APPL2: variants seen among roughly 807,000 people sequenced by gnomAD.
The protein encoded by APPL2 is adaptor protein, phosphotyrosine interacting with PH domain and leucine zipper 2.
In APPL2, 84 loss-of-function variants were observed where a neutral mutation model predicts 92.7. The observed-to-expected ratio is 0.91, with a 90% CI of 0.76 to 1.09. The LOEUF is 1.09. Ranked by LOEUF, APPL2 falls within the 50% of genes least tolerant of loss-of-function variation. APPL2 has a pLI of 0.00. For synonymous variants in APPL2, 291 were observed against 291.0 expected (o/e 1.00, Z 0.00); for missense variants, 736 against 824.5 (o/e 0.89, Z 1.31).
intron 3 of APPL2, among the ~76,000 whole-genome samples, chr12:105,217,343 C>A (rs1238244031): frequency 2.0e-5 from 3 of 152,186 alleles, no homozygotes; most frequent in Non-Finnish European, 1.5e-5. Flanking sequence ...CCCTCCCTGG[C>A]CATTCCTTTC....
chr12:105,186,638 T>TATATATG (rs1886667739), intron 17 of APPL2, among the ~76,000 whole-genome samples: 4 of 128,926 alleles, frequency 3.1e-5, no homozygotes, highest in African/African-American at 1.1e-4. Context: ...ATATATATCA[T>TATATATG]ATATATGATA....
chr12:105,218,589 A>G (rs903666562), intron 2 of APPL2, among the ~76,000 whole-genome samples: 1 of 152,244 alleles, frequency 6.6e-6, no homozygotes, highest in Non-Finnish European at 1.5e-5. Flanking sequence ...CTGTCTGAAC[A>G]GCTCTGAAGT....
intron 14 of APPL2, among the ~76,000 whole-genome samples, chr12:105,194,715 A>T (rs1289420701): frequency 6.6e-6 from 1 of 151,410 alleles, no homozygotes. Flanking sequence ...ATAAGTAAGT[A>T]AAAAAATAAA....
chr12:105,220,562 T>C (rs1376485779), intron 2 of APPL2, among the ~76,000 whole-genome samples: 2 of 152,174 alleles, frequency 1.3e-5, no homozygotes, highest in African/African-American at 4.8e-5. Flanking sequence ...TTCTTTTCTT[T>C]ATTTTAGTCA....
intron 11 of APPL2, 70 bp from the exon 12 acceptor site, chr12:105,195,697 C>T: frequency 6.5e-7 from 1 of 1,548,158 alleles, no homozygotes; most frequent in Non-Finnish European, 8.9e-7. Context: ...TCTACATAAA[C>T]TGAACTTAGC....
intron 1 of APPL2, 119 bp from the exon 2 acceptor site, chr12:105,229,342 G>C: frequency 1.0e-6 from 1 of 986,846 alleles, no homozygotes; most frequent in Non-Finnish European, 1.5e-6. Context: ...AAAGGTACCT[G>C]TTGGTTCCCT....
intron 16 of APPL2, among the ~76,000 whole-genome samples, chr12:105,189,189 T>C (rs1404595491): frequency 6.9e-6 from 1 of 144,938 alleles, no homozygotes; most frequent in Non-Finnish European, 1.5e-5. Context: ...TGGCTAATTT[T>C]TGTATATATA....
intron 5 of APPL2, among the ~76,000 whole-genome samples, chr12:105,208,713 C>T (rs1023060194): frequency 5.9e-5 from 9 of 152,216 alleles, no homozygotes; most frequent in African/African-American, 1.2e-4. Context: ...ACTGTAGTTG[C>T]GACAAGCCAA....
intron 1 of APPL2, among the ~76,000 whole-genome samples, chr12:105,234,049 T>G (rs1341179403): frequency 6.6e-6 from 1 of 152,206 alleles, no homozygotes; most frequent in African/African-American, 2.4e-5. Flanking sequence ...CTGATGATCA[T>G]TAAAGACCTT....
At chr12:105,181,034 T>C (rs1351953143) in intron 17 of APPL2, among the ~76,000 whole-genome samples, 1 of 152,228 alleles carries the variant, frequency 6.6e-6, no homozygotes. Context: ...ATCCTTGTCT[T>C]GTGCTAATTT....
rs755287404 is a variant in APPL2 at position 105,203,785 on chromosome 12, T to G, written c.622A>C (p.Ile208Leu). The change falls in exon 9 of 21, where the codon ATT becomes CTT. Residue 208 changes from isoleucine to leucine, a missense_variant and splice_region_variant. Physicochemically the swap from Ile to Leu is conservative, Grantham distance 5 (BLOSUM62 2). Transcript: ENST00000258530. ...TCTGCTCCCTTCTTAAAAAAGTTAA[T>G]CTGAAAGATATAATTATAATATTCT... Reference protein sequence around the residue: ...EPMIGFAHGQINFFKKGAEMF... With the variant: ...EPMIGFAHGQLNFFKKGAEMF... The G allele has an allele frequency of 2.5e-6, 4 of 1,609,164 alleles. No individual in the cohort carries two copies. The African/African-American group carries it at 5.3e-5, about 22-fold the overall frequency.
intron 11 of APPL2, among the ~76,000 whole-genome samples, chr12:105,197,488 G>A (rs1468574797): frequency 6.6e-6 from 1 of 152,194 alleles, no homozygotes; most frequent in Non-Finnish European, 1.5e-5. Flanking sequence ...TAACAAGCAC[G>A]ACTTCTGTTG....
intron 1 of APPL2, among the ~76,000 whole-genome samples, chr12:105,230,127 CAAG>C (rs1475070461): frequency 6.6e-5 from 10 of 152,144 alleles, no homozygotes; most frequent in African/African-American, 2.4e-4. Context: ...AACTCACGGC[CAAG>C]AAATTTCACA....
At chr12:105,189,967 G>A in intron 15 of APPL2, 24 bp downstream of exon 15, 2 of 1,612,730 alleles carry the variant, frequency 1.2e-6, no homozygotes, top group Non-Finnish European at 1.7e-6. Context: ...AGTTCTCCCA[G>A]AGATAACCTC....
At position 105,197,803 on chromosome 12, in the gene APPL2, C is replaced by A; in HGVS notation, c.1014G>T (p.Arg338=). Residue 338 remains arginine, a synonymous_variant, in exon 11 of 21, where the codon CGG becomes CGT. Transcript: ENST00000258530. ...CSVMAVDCED[R]RYCFQITTPN... is the part of the protein sequence containing the mutation. The stretch of plus-strand genomic sequence containing the variant: ...GCGTGGTGATCTGGAAGCAGTAGCG[C>A]CGGTCTTCGCAATCCACGGCCATCA... The A allele has an allele frequency of 6.2e-7, 1 of 1,614,202 alleles. No homozygotes were observed. The highest frequency in any genetic ancestry group is 8.5e-7 in the Non-Finnish European group (1 of 1,180,042).
At chr12:105,215,185 C>T (rs990281752) in intron 4 of APPL2, among the ~76,000 whole-genome samples, 2 of 152,140 alleles carry the variant, frequency 1.3e-5, no homozygotes, top group African/African-American at 4.8e-5. Context: ...TCAGAAGTAC[C>T]AGAGGCCTAG....
At chr12:105,186,649 T>TA (rs1886682140) in intron 17 of APPL2, among the ~76,000 whole-genome samples, 8 of 118,748 alleles carry the variant, frequency 6.7e-5, no homozygotes, top group Middle Eastern at 8.0e-3. Flanking sequence ...ATATATGATA[T>TA]CGATATCATA....
intron 9 of APPL2, among the ~76,000 whole-genome samples, chr12:105,202,577 T>A (rs1408873147): frequency 6.6e-6 from 1 of 152,198 alleles, no homozygotes; most frequent in African/African-American, 2.4e-5. Flanking sequence ...GAGGATACTT[T>A]TACAAAGTGA....
chr12:105,189,928 G>A, intron 15 of APPL2, 63 bp downstream of exon 15: 1 of 1,610,730 alleles, frequency 6.2e-7, no homozygotes. Flanking sequence ...GTGGTGGAGG[G>A]GGACACAAGA....
Sources: gnomAD v4.1 joint callset for allele counts (sites outside exome capture counted in the v4.1 genomes callset) on GRCh38, gnomAD v4.1.1 for gene constraint, MANE v1.5 for transcripts, NCBI Gene and HGNC (gene_info 2026-07-23, HGNC 2026-07-21) for gene names.